The following MYOCOS variants were observed in gnomAD, a reference collection of about 807,000 sequenced individuals.
The protein encoded by MYOCOS is myocilin opposite strand.
At chr1:171,603,132 A>G (rs1367481882) in intron 1 of MYOCOS, among the ~76,000 whole-genome samples, 1 of 152,136 alleles carries the variant, frequency 6.6e-6, no homozygotes, top group Non-Finnish European at 1.5e-5. Context: ...TCAGCCCCCA[A>G]AGGCCATCCA....
chr1:171,609,589 CTAT>C (rs1652318590), intron 1 of MYOCOS, among the ~76,000 whole-genome samples: 1 of 152,134 alleles, frequency 6.6e-6, no homozygotes, highest in Non-Finnish European at 1.5e-5. Context: ...GAAGGGCAAC[CTAT>C]TATTATCTAT....
chr1:171,612,580 C>T (rs1281424699), intron 1 of MYOCOS, among the ~76,000 whole-genome samples: 1 of 151,672 alleles, frequency 6.6e-6, no homozygotes, highest in Non-Finnish European at 1.5e-5. Flanking sequence ...AATCCCAGCA[C>T]TTTGGGAGGC....
intron 1 of MYOCOS, among the ~76,000 whole-genome samples, chr1:171,614,456 G>A (rs1193487874): frequency 6.6e-6 from 1 of 152,178 alleles, no homozygotes; most frequent in Non-Finnish European, 1.5e-5. Flanking sequence ...CTGCAGCTGG[G>A]GATGAACCTT....
At chr1:171,612,564 G>A in intron 1 of MYOCOS, among the ~76,000 whole-genome samples, 1 of 151,410 alleles carries the variant, frequency 6.6e-6, no homozygotes, top group East Asian at 2.0e-4. Flanking sequence ...GGTGGCTCAT[G>A]CCTATAATCC....
At position 171,614,550 on chromosome 1, in the gene MYOCOS, A is replaced by T. The variant is rs185132336; in HGVS notation, c.-251-248A>T. The stretch of plus-strand genomic sequence containing the variant: ...AGTCATTTGTTGCAGGCTAGCCTTT[A>T]TCTCTTAGGAGAGGGGCAGAAACGT... On this transcript the variant is annotated intron_variant, in intron 1 of 3. Transcript: ENST00000636697. Among the ~76,000 whole-genome samples, 4 of 152,158 alleles carry T rather than the reference A, an allele frequency of 2.6e-5. No homozygotes were observed. In the South Asian group the frequency reaches 8.3e-4, roughly 32 times the overall value.
intron 2 of MYOCOS, among the ~76,000 whole-genome samples, chr1:171,616,849 T>A (rs1273427943): frequency 6.6e-6 from 1 of 152,194 alleles, no homozygotes; most frequent in African/African-American, 2.4e-5. Context: ...CACAGGCATA[T>A]AACTCCACTT....
intron 1 of MYOCOS, among the ~76,000 whole-genome samples, chr1:171,608,075 GA>G (rs1358942770): frequency 1.3e-5 from 2 of 152,186 alleles, no homozygotes; most frequent in Non-Finnish European, 2.9e-5. Context: ...CAGTATGGGG[GA>G]AACTGCCCTT....
chr1:171,608,266 AGTGGAG>A (rs1011556286), intron 1 of MYOCOS, among the ~76,000 whole-genome samples: 12 of 152,274 alleles, frequency 7.9e-5, no homozygotes, highest in African/African-American at 2.9e-4. Context: ...ATCAAACCAT[AGTGGAG>A]TATAAAATTG....
chr1:171,622,204 G>A (rs1274306839), upstream of MYOCOS: 1 of 152,204 alleles, frequency 6.6e-6, no homozygotes, highest in African/African-American at 2.4e-5. Context: ...GTCACAATGT[G>A]TTTACTAGCA....
intron 2 of MYOCOS, among the ~76,000 whole-genome samples, chr1:171,615,426 T>C (rs1291836309): frequency 6.6e-6 from 1 of 152,158 alleles, no homozygotes; most frequent in Non-Finnish European, 1.5e-5. Context: ...CTTGTGCTGC[T>C]GAAAGTGAGG....
At chr1:171,618,559 T>TTTG (rs1652491689), upstream of MYOCOS, among the ~76,000 whole-genome samples, 1 of 150,620 alleles carries the variant, frequency 6.6e-6, no homozygotes, top group Non-Finnish European at 1.5e-5. Flanking sequence ...ACTATCTCCT[T>TTTG]TTTGTTTGTT....
intron 2 of MYOCOS, among the ~76,000 whole-genome samples, chr1:171,615,375 G>C (rs371125254): frequency 6.6e-6 from 1 of 152,214 alleles, no homozygotes; most frequent in Non-Finnish European, 1.5e-5. Context: ...GTTTGAGAGA[G>C]AGTGAAAGAG....
intron 1 of MYOCOS, among the ~76,000 whole-genome samples, chr1:171,613,893 A>G (rs1652401236): frequency 6.6e-6 from 1 of 152,120 alleles, no homozygotes; most frequent in Non-Finnish European, 1.5e-5. Flanking sequence ...AAGCCTCTTT[A>G]TATGCTGCCA....
At chr1:171,623,413 G>A (rs235853) in intron 1 of MYOCOS, among the ~76,000 whole-genome samples, 28,136 of 151,978 alleles carry the variant, frequency 0.19, 3,180 homozygotes, top group East Asian at 0.31. Context: ...CTTTGCACAT[G>A]TCAGTGAGGT....
rs1652624018 is a variant in MYOCOS, at chr1:171,623,858, T to A, written c.-26T>A. 2.5e-6 allele frequency: 1 copy of A among 398,460 alleles called. No individual in the cohort carries two copies. The highest frequency in any genetic ancestry group is 2.1e-5 in the African/African-American group (1 of 48,596). 24.7% of individuals were successfully genotyped at this position (398,460 alleles called of 1,614,324 possible). A position where few individuals can be genotyped will look rare whatever the true frequency, so the allele number is the denominator to read the frequency against. Reference sequence around the variant, plus strand: ...ATTCACAGGTGCAGTAACTTTAAATTCCTCAAATCCCCTGAGTGCAAGGCC... The same window carrying A: ...ATTCACAGGTGCAGTAACTTTAAATACCTCAAATCCCCTGAGTGCAAGGCC... On this transcript the variant is annotated 5_prime_UTR_variant, in exon 2 of 3. Transcript: ENST00000637642.
intron 1 of MYOCOS, among the ~76,000 whole-genome samples, chr1:171,608,409 T>C (rs1572202039): frequency 7.1e-5 from 2 of 28,174 alleles, no homozygotes; most frequent in African/African-American, 1.5e-4. Flanking sequence ...GGAACCAGAC[T>C]TTTTTTTTTT....
chr1:171,615,788 G>T (rs1056681212), intron 2 of MYOCOS, among the ~76,000 whole-genome samples: 1 of 152,210 alleles, frequency 6.6e-6, no homozygotes, highest in Non-Finnish European at 1.5e-5. Flanking sequence ...CAGAAGTTGT[G>T]CATTCGGGGA....
intron 1 of MYOCOS, among the ~76,000 whole-genome samples, chr1:171,611,193 A>G (rs1652345561): frequency 6.6e-6 from 1 of 152,362 alleles, no homozygotes; most frequent in Non-Finnish European, 1.5e-5. Flanking sequence ...TGACAAAACC[A>G]AACTTGAGGG....
intron 1 of MYOCOS, among the ~76,000 whole-genome samples, chr1:171,608,369 T>A (rs1174199991): frequency 6.7e-6 from 1 of 149,400 alleles, no homozygotes. Context: ...AATAAGATGC[T>A]CCTTTAAAAT....
Sources: gnomAD v4.1 joint callset for allele counts (sites outside exome capture counted in the v4.1 genomes callset) on GRCh38, gnomAD v4.1.1 for gene constraint, MANE v1.5 for transcripts, NCBI Gene and HGNC (gene_info 2026-07-23, HGNC 2026-07-21) for gene names.